The following GALNT13 variants were observed in gnomAD, a reference collection of about 807,000 sequenced individuals.
The protein encoded by GALNT13 is UDP-GalNAc:polypeptide N-acetylgalactosaminyltransferase 13.
A neutral mutation model predicts 64.2 loss-of-function variants in GALNT13; 28 were observed. The ratio of observed to expected loss-of-function variants is 0.44; its 90% confidence interval spans 0.32 to 0.60. The LOEUF (loss-of-function observed/expected upper bound fraction) is 0.60. GALNT13 is among the 20% of genes least tolerant of loss of function. The pLI, the probability that GALNT13 is intolerant of heterozygous loss-of-function variation, is 0.05. For synonymous variants in GALNT13, 214 were observed against 224.6 expected (o/e 0.95, Z 0.42); for missense variants, 577 against 669.8 (o/e 0.86, Z 1.53).
the GALNT13 span, among the ~76,000 whole-genome samples, chr2:153,800,248 T>C: frequency 6.6e-6 from 1 of 152,064 alleles, no homozygotes; most frequent in Non-Finnish European, 1.5e-5. Flanking sequence ...ACACTGTACT[T>C]TTTTATGTGT....
At position 153,944,617 on chromosome 2, in the gene GALNT13, A is replaced by C; in HGVS notation, c.120A>C (p.Arg40Ser). 6.2e-7 allele frequency: 1 copy of C among 1,613,336 alleles called. No individual in the cohort carries two copies. The highest frequency in any genetic ancestry group is 8.5e-7 in the Non-Finnish European group (1 of 1,179,502). Reference sequence around the variant, plus strand: ...ACAAATGTGATGACAAGAAGGAGAGATCTCTGCTGCCTGCATTGAGGGGTA... The same window carrying C: ...ACAAATGTGATGACAAGAAGGAGAGCTCTCTGCTGCCTGCATTGAGGGGTA... ...ECNKCDDKKERSLLPALRAVI... is the reference protein window; with the variant it reads ...ECNKCDDKKESSLLPALRAVI... The change falls in exon 3 of 13, where the codon AGA becomes AGC. Residue 40 changes from arginine (R) to serine (S), a missense_variant. Physicochemically the swap from Arg to Ser is moderately radical, Grantham distance 110. Coordinates refer to ENST00000392825, the MANE Select transcript of GALNT13 (RefSeq NM_052917.4).
rs1693137005 is a variant in GALNT13, at chr2:154,298,598, AATGTATATAT to A, written c.976-2810_976-2801del. Among the ~76,000 whole-genome samples, 3 of 3,080 alleles carry A rather than the reference AATGTATATAT, an allele frequency of 9.7e-4. 1 individual carries two copies. The highest frequency in any genetic ancestry group is 5.0e-3 in the Non-Finnish European group (2 of 404). The allele number at this position is 3,080 out of a possible 152,430, so 2.0% of individuals were successfully genotyped here. On this transcript the variant is annotated intron_variant, in intron 8 of 12. Transcript: ENST00000392825. Reference sequence around the variant, plus strand: ...AATTGTATATATAATTTATATATACAATGTATATATTAATTTATATATACATTGTATATAT... The same window carrying A: ...AATTGTATATATAATTTATATATACATAATTTATATATACATTGTATATAT...
At position 154,041,640 on chromosome 2, in the gene GALNT13, A is replaced by C. The variant is rs183747668; in HGVS notation, c.142+97001A>C. On this transcript the variant is annotated intron_variant, in intron 3 of 12. Transcript: ENST00000392825. ...TCCTTCAGCATAGGGCATTCTGTTA[A>C]GAATATACATGTTTAAACAGACAAA... 3.3e-4 allele frequency among the ~76,000 whole-genome samples: 47 copies of C among 141,070 alleles called. 9 individuals carry two copies. In the South Asian group the frequency reaches 5.4e-3, roughly 16 times the overall value. 92.5% of individuals were successfully genotyped at this position (141,070 alleles called of 152,430 possible). A position where few individuals can be genotyped will look rare whatever the true frequency, so the allele number is the denominator to read the frequency against.
At chr2:153,562,294 A>T in the GALNT13 span, among the ~76,000 whole-genome samples, 112,418 of 151,744 alleles carry the variant, frequency 0.74, 42,194 homozygotes, top group East Asian at 0.86. Flanking sequence ...CAGTACTATC[A>T]ACCATCCTTA....
intron 3 of GALNT13, among the ~76,000 whole-genome samples, chr2:153,964,073 TTC>T (rs1000235555): frequency 1.3e-5 from 2 of 152,076 alleles, no homozygotes; most frequent in Non-Finnish European, 1.5e-5. Flanking sequence ...TTCCTTTTTT[TTC>T]CCCCCCAAAA....
chr2:153,367,502 A>G, the GALNT13 span, among the ~76,000 whole-genome samples: 1 of 152,112 alleles, frequency 6.6e-6, no homozygotes, highest in Non-Finnish European at 1.5e-5. Context: ...AAATTGTGAG[A>G]TTACCCTGGA....
chr2:153,258,396 A>C, the GALNT13 span, among the ~76,000 whole-genome samples: 2 of 150,696 alleles, frequency 1.3e-5, no homozygotes, highest in South Asian at 2.1e-4. Flanking sequence ...AAACAAAACA[A>C]AACAAAACCC....
intron 9 of GALNT13, among the ~76,000 whole-genome samples, chr2:154,345,561 T>C (rs192352081): frequency 6.6e-6 from 1 of 152,210 alleles, no homozygotes; most frequent in Non-Finnish European, 1.5e-5. Flanking sequence ...AATTTAAATG[T>C]AATTATTCGG....
the GALNT13 span, among the ~76,000 whole-genome samples, chr2:153,463,229 A>C: frequency 1.3e-5 from 2 of 152,022 alleles, no homozygotes; most frequent in African/African-American, 4.8e-5. Context: ...AAATATGATG[A>C]TATCTTAGTA....
chr2:153,803,475 G>T, the GALNT13 span, among the ~76,000 whole-genome samples: 1 of 151,966 alleles, frequency 6.6e-6, no homozygotes, highest in African/African-American at 2.4e-5. Flanking sequence ...GGCGGATCAC[G>T]AGGTCAGGAG....
chr2:154,266,928 A>G (rs1291566765), intron 8 of GALNT13, among the ~76,000 whole-genome samples: 1 of 151,906 alleles, frequency 6.6e-6, no homozygotes, highest in Non-Finnish European at 1.5e-5. Context: ...AAAAAGTTAG[A>G]GAATTAACAA....
At chr2:153,391,099 A>G in the GALNT13 span, among the ~76,000 whole-genome samples, 1 of 151,906 alleles carries the variant, frequency 6.6e-6, no homozygotes, top group Non-Finnish European at 1.5e-5. Context: ...CAGAAGGACT[A>G]TAGAGGTTAG....
chr2:153,900,123 A>G (rs1045599530), intron 1 of GALNT13, among the ~76,000 whole-genome samples: 3 of 151,664 alleles, frequency 2.0e-5, no homozygotes, highest in African/African-American at 7.3e-5. Flanking sequence ...TTTAGTAAAG[A>G]CAGGGTTTCG....
At chr2:153,430,400 C>A in the GALNT13 span, among the ~76,000 whole-genome samples, 1 of 151,866 alleles carries the variant, frequency 6.6e-6, no homozygotes, top group East Asian at 1.9e-4. Flanking sequence ...AATTTTGTAA[C>A]AAGTAACCCT....
intron 3 of GALNT13, among the ~76,000 whole-genome samples, chr2:153,957,659 C>A (rs1425786072): frequency 6.6e-6 from 1 of 152,152 alleles, no homozygotes; most frequent in Non-Finnish European, 1.5e-5. Flanking sequence ...TCTAGGCATC[C>A]CATCCCAGAT....
chr2:153,898,227 A>T (rs983091591), intron 1 of GALNT13, among the ~76,000 whole-genome samples: 1 of 152,110 alleles, frequency 6.6e-6, no homozygotes, highest in Non-Finnish European at 1.5e-5. Flanking sequence ...AATTGTGCCG[A>T]AGGACTTGGA....
At chr2:154,070,109 A>G (rs1347283598) in intron 3 of GALNT13, among the ~76,000 whole-genome samples, 1 of 152,164 alleles carries the variant, frequency 6.6e-6, no homozygotes, top group Non-Finnish European at 1.5e-5. Flanking sequence ...GATGGTTGAT[A>G]TGTGGCCCTA....
chr2:154,248,343 A>G (rs1689891840), intron 7 of GALNT13, among the ~76,000 whole-genome samples: 2 of 152,038 alleles, frequency 1.3e-5, no homozygotes, highest in Admixed American at 1.3e-4. Flanking sequence ...AATACTTGTT[A>G]ATTTTCATAT....
At chr2:153,855,163 G>A in the GALNT13 span, among the ~76,000 whole-genome samples, 13,641 of 152,058 alleles carry the variant, frequency 0.09, 727 homozygotes, top group African/African-American at 0.12. Flanking sequence ...TGTGGAAAAA[G>A]TTAATTTTAA....
Sources: gnomAD v4.1 joint callset for allele counts (sites outside exome capture counted in the v4.1 genomes callset) on GRCh38, gnomAD v4.1.1 for gene constraint, MANE v1.5 for transcripts, NCBI Gene and HGNC (gene_info 2026-07-23, HGNC 2026-07-21) for gene names.